NOTCH3: variants seen among roughly 807,000 people sequenced by gnomAD.
The protein encoded by NOTCH3 is notch receptor 3, also known as neurogenic locus notch homolog protein 3.
NOTCH3 carries 86 observed loss-of-function variants against 213.3 expected under a neutral mutation model. That is an observed-to-expected ratio of 0.40 (90% CI 0.34 to 0.48). The LOEUF (loss-of-function observed/expected upper bound fraction) is 0.48. Among genes scored for constraint, NOTCH3 ranks in the 20% least tolerant of loss-of-function variants. NOTCH3 has a pLI of 0.57. For synonymous variants in NOTCH3, 1,354 were observed against 1,355.9 expected (o/e 1.00, Z 0.03); for missense variants, 2,783 against 3,272.6 (o/e 0.85, Z 3.65).
chr19:15,192,261 G>T lies in NOTCH3; in HGVS notation c.378C>A (p.Ser126Arg). 6.2e-7 allele frequency: 1 copy of T among 1,601,332 alleles called. No individual in the cohort carries two copies. Among genetic ancestry groups the T allele is most frequent in the Non-Finnish European group, 8.5e-7 (1 of 1,174,502 alleles). ...DCSLPDPCLSSPCAHGARCSV... is the reference protein window; with the variant it reads ...DCSLPDPCLSRPCAHGARCSV... ...AGCAGCGGGCACCGTGGGCACAAGG[G>T]CTGCTGAGGCAGGGATCTGGCAGGG... The change falls in exon 4 of 33, where the codon AGC becomes AGA. Residue 126 changes from serine (S) to arginine (R), a missense_variant. This residue lies in a region of NOTCH3 where 708 missense variants were observed against 906.6 expected (regional missense o/e 0.78). Transcript: ENST00000263388.
chr19:15,198,397 CAA>C (rs1203671355), intron 1 of NOTCH3, among the ~76,000 whole-genome samples: 1 of 152,156 alleles, frequency 6.6e-6, no homozygotes, highest in East Asian at 1.9e-4. Flanking sequence ...GAGAAAAACA[CAA>C]AGACGTGAGA....
chr19:15,191,930 C>A, intron 4 of NOTCH3, 30 bp downstream of exon 4: 2 of 1,613,656 alleles, frequency 1.2e-6, no homozygotes, highest in Non-Finnish European at 8.5e-7. Context: ...ACGCCCACCC[C>A]TCTGACTCTC....
intron 16 of NOTCH3, 76 bp downstream of exon 16, chr19:15,184,219 C>T (rs1599385779): frequency 7.2e-7 from 1 of 1,392,854 alleles, no homozygotes; most frequent in East Asian, 2.3e-5. Flanking sequence ...AATGACAGCA[C>T]AGTGCCAGGC....
chr19:15,184,188 G>C, intron 16 of NOTCH3, 107 bp downstream of exon 16: 1 of 1,178,286 alleles, frequency 8.5e-7, no homozygotes, highest in Non-Finnish European at 1.2e-6. Context: ...AACGGGAAAA[G>C]TAAGATAACT....
rs758307531 is a variant in NOTCH3 at position 15,165,808 on chromosome 19, G to A, written c.5646C>T (p.Ala1882=). ...GRTPLHTAVT[A]DAQGVFQILI... ...TCACCTGGAAGACACCCTGGGCATC[G>A]GCTGTGACAGCTGTGTGCAGGGGAG... Residue 1882 remains alanine (A), a synonymous_variant, in exon 30 of 33, where the codon GCC becomes GCT. Coordinates refer to ENST00000263388, the MANE Select transcript of NOTCH3 (RefSeq NM_000435.3). The surrounding 1 kb of genome is among the most constrained non-coding windows in gnomAD (Gnocchi z 4.7). 3.3e-5 allele frequency: 54 copies of A among 1,613,082 alleles called. No individual in the cohort carries two copies. Among genetic ancestry groups the A allele is most frequent in the Non-Finnish European group, 4.0e-5 (47 of 1,180,014 alleles).
intron 1 of NOTCH3, among the ~76,000 whole-genome samples, chr19:15,199,161 G>C (rs535592311): frequency 3.9e-5 from 6 of 152,332 alleles, no homozygotes; most frequent in African/African-American, 1.4e-4. Flanking sequence ...GCGTGCACGG[G>C]CTTGTGTGTC....
chr19:15,166,756 T>C (rs1344800694), intron 29 of NOTCH3, among the ~76,000 whole-genome samples: 1 of 152,182 alleles, frequency 6.6e-6, no homozygotes, highest in African/African-American at 2.4e-5. Context: ...GCCACTTGCA[T>C]CCGGTTCTCC....
chr19:15,196,329 G>A (rs2046970546), intron 2 of NOTCH3, among the ~76,000 whole-genome samples: 1 of 152,074 alleles, frequency 6.6e-6, no homozygotes, highest in South Asian at 2.1e-4. Context: ...TCCAGGTAAG[G>A]TCACACTTTT....
intron 28 of NOTCH3, 71 bp from the exon 29 acceptor site, chr19:15,167,482 G>A (rs919178798): frequency 5.9e-5 from 86 of 1,449,738 alleles, no homozygotes; most frequent in Non-Finnish European, 7.9e-5. Context: ...CCAGGGATGG[G>A]GCTGGGCATT....
At chr19:15,175,533 TAA>T (rs34762214) in intron 24 of NOTCH3, among the ~76,000 whole-genome samples, 185 of 44,206 alleles carry the variant, frequency 4.2e-3, no homozygotes, top group African/African-American at 0.018. Flanking sequence ...AAATCCTGTC[TAA>T]AAAAAAAAAA....
In NOTCH3 at chr19:15,181,674, C is replaced by G. The variant is rs747386528; in HGVS notation, c.2694G>C (p.Pro898=). 5 of 1,555,328 alleles carry G rather than the reference C, an allele frequency of 3.2e-6. No individual in the cohort carries two copies. Among genetic ancestry groups the G allele is most frequent in the East Asian group, 2.4e-5 (1 of 41,298 alleles). Residue 898 remains proline, a synonymous_variant, in exon 17 of 33, where the codon CCG becomes CCC. Coordinates refer to ENST00000263388, the MANE Select transcript of NOTCH3 (RefSeq NM_000435.3). ...VDECLSNPCG[P]GTCTDHVASF... Reference sequence around the variant, plus strand: ...AGGCCACGTGGTCGGTACAGGTGCCCGGGCCGCAGGGGTTGCTCAGGCACT... The same window carrying G: ...AGGCCACGTGGTCGGTACAGGTGCCGGGGCCGCAGGGGTTGCTCAGGCACT...
intron 10 of NOTCH3, 44 bp from the exon 11 acceptor site, chr19:15,187,382 C>T (rs759806613): frequency 1.3e-6 from 2 of 1,570,278 alleles, no homozygotes; most frequent in African/African-American, 2.7e-5. Flanking sequence ...TGCCAGGGGC[C>T]TGCCCACAAG....
Position 15,192,130 on chromosome 19 carries a change from T to A in NOTCH3, c.509A>T (p.His170Leu), listed in dbSNP as rs147373451. 2 of 1,612,856 alleles carry A rather than the reference T, an allele frequency of 1.2e-6. No homozygotes were observed. Among genetic ancestry groups the A allele is most frequent in the Admixed American group, 3.3e-5 (2 of 59,994 alleles). ...AGGTGTGTTGAGGCAGGTGCCACCATGGCGGCAGGGCTCACCCACCCGGCA... is the reference window on the plus strand; with the variant it reads ...AGGTGTGTTGAGGCAGGTGCCACCAAGGCGGCAGGGCTCACCCACCCGGCA... ...DECRVGEPCRHGGTCLNTPGS... is the reference protein window; with the variant it reads ...DECRVGEPCRLGGTCLNTPGS... Residue 170 changes from histidine to leucine, a missense_variant, in exon 4 of 33, where the codon CAT becomes CTT. Transcript: ENST00000263388.
At chr19:15,187,485 C>A in intron 10 of NOTCH3, 147 bp from the exon 11 acceptor site, 1 of 598,830 alleles carries the variant, frequency 1.7e-6, no homozygotes, top group Non-Finnish European at 2.9e-6. Flanking sequence ...CACCCCCCAC[C>A]CCCCACTTAC....
intron 6 of NOTCH3, among the ~76,000 whole-genome samples, chr19:15,191,159 G>A (rs987713636): frequency 6.6e-6 from 1 of 152,000 alleles, no homozygotes; most frequent in African/African-American, 2.4e-5. Context: ...TTAGCCTCCT[G>A]AGAGACTTGG....
intron 2 of NOTCH3, 59 bp downstream of exon 2, chr19:15,197,441 G>GCGGC: frequency 2.0e-5 from 15 of 768,338 alleles, no homozygotes; most frequent in Non-Finnish European, 1.8e-5. Flanking sequence ...AAGACAAATC[G>GCGGC]CCCCTCCCCC....
chr19:15,183,388 G>GTTTGTTTGTTTT (rs1224217986), intron 16 of NOTCH3, among the ~76,000 whole-genome samples: 1 of 151,268 alleles, frequency 6.6e-6, no homozygotes, highest in African/African-American at 2.4e-5. Context: ...ACCCCTTTTT[G>GTTTGTTTGTTTT]TTTGTTTGTT....
chr19:15,173,022 T>C (rs1166476304), intron 25 of NOTCH3, among the ~76,000 whole-genome samples: 9 of 25,438 alleles, frequency 3.5e-4, no homozygotes, highest in Non-Finnish European at 6.5e-4. Flanking sequence ...CTTCTTCCTC[T>C]TCCTCCCCCT....
intron 32 of NOTCH3, 38 bp downstream of exon 32, chr19:15,162,427 C>T: frequency 7.0e-7 from 1 of 1,437,188 alleles, no homozygotes; most frequent in Non-Finnish European, 9.8e-7. Flanking sequence ...GGCACTGTGC[C>T]ACTGCTGACA....
Sources: allele counts gnomAD v4.1 joint callset (sites outside exome capture counted in the v4.1 genomes callset), GRCh38; gene constraint gnomAD v4.1.1; regional missense constraint gnomAD v4.1.1; non-coding constraint Gnocchi (gnomAD v3.1); transcripts MANE v1.5; gene names NCBI Gene and HGNC (gene_info 2026-07-23, HGNC 2026-07-21).